The following SIRT5 variants were observed in gnomAD, a reference collection of about 807,000 sequenced individuals.
SIRT5 encodes the protein NAD-dependent protein deacylase sirtuin-5, mitochondrial.
Under a neutral mutation model 40.0 loss-of-function variants are expected in SIRT5, and 26 were observed. The ratio of observed to expected loss-of-function variants is 0.65; its 90% CI spans 0.48 to 0.90. The LOEUF (loss-of-function observed/expected upper bound fraction) is 0.90, where lower values mean the gene tolerates loss of function less well. SIRT5 is among the 40% of genes least tolerant of loss of function. The probability of loss-of-function intolerance (pLI) is 0.00; values close to 1 mark genes in which losing one functional copy is unlikely to be tolerated. For synonymous variants in SIRT5, 146 were observed against 149.1 expected (o/e 0.98, Z 0.15); for missense variants, 401 against 402.4 (o/e 1.00, Z 0.03).
Position 13,614,402 on chromosome 6 carries a change from A to G in SIRT5, c.*2537A>G, listed in dbSNP as rs1454583944. 6.6e-6 allele frequency: 1 copy of G among 152,302 alleles called. No homozygotes were observed. The highest frequency in any genetic ancestry group is 2.4e-5 in the African/African-American group (1 of 41,450). The allele number at this position is 152,302 out of a possible 1,614,324, so 9.4% of individuals were successfully genotyped here. On this transcript the variant is annotated 3_prime_UTR_variant, in exon 10 of 10. Transcript: ENST00000606117. Reference sequence around the variant, plus strand: ...CTGGGGGGCTGCGGCAGTAGAGGGAAGAGCACGGTCGGTACAAATGCATGG... The same window carrying G: ...CTGGGGGGCTGCGGCAGTAGAGGGAGGAGCACGGTCGGTACAAATGCATGG...
chr6:13,610,915 A>G (rs925227809), intron 9 of SIRT5, among the ~76,000 whole-genome samples: 5 of 152,142 alleles, frequency 3.3e-5, no homozygotes, highest in African/African-American at 4.8e-5. Context: ...TGCCTTTTCT[A>G]TTTTTAATTG....
In SIRT5 at chr6:13,584,759, A is replaced by G. The variant is rs561880598; in HGVS notation, c.115+534A>G. On this transcript the variant is annotated intron_variant, in intron 3 of 9. Coordinates refer to ENST00000606117, the MANE Select transcript of SIRT5 (RefSeq NM_012241.5). ...GCTTCTGCCAGAATATTTGCATTTAAGCTTTTTACACATGTTTTGTACTAT... is the reference window on the plus strand; with the variant it reads ...GCTTCTGCCAGAATATTTGCATTTAGGCTTTTTACACATGTTTTGTACTAT... 7.8e-5 allele frequency among the ~76,000 whole-genome samples: 11 copies of G among 140,502 alleles called. No homozygotes were observed. The South Asian group carries it at 2.5e-3, about 33-fold the overall frequency. 92.2% of individuals were successfully genotyped at this position (140,502 alleles called of 152,430 possible).
At chr6:13,586,564 A>C (rs1012450188) in intron 3 of SIRT5, among the ~76,000 whole-genome samples, 3 of 152,042 alleles carry the variant, frequency 2.0e-5, no homozygotes, top group African/African-American at 7.2e-5. Flanking sequence ...GTGTGGTGTT[A>C]TTTCTGAGGC....
chr6:13,595,613 G>T, intron 6 of SIRT5, 49 bp downstream of exon 6: 1 of 1,336,214 alleles, frequency 7.5e-7, no homozygotes. Context: ...TCTCCTTTAG[G>T]TTGAACATAA....
At chr6:13,585,165 G>C (rs998881694) in intron 3 of SIRT5, 1 of 152,048 alleles carries the variant, frequency 6.6e-6, no homozygotes, top group African/African-American at 2.4e-5. Flanking sequence ...AGTTGGGTTG[G>C]TTGCAACCTG....
At chr6:13,574,362 C>T (rs1242869164), upstream of SIRT5, among the ~76,000 whole-genome samples, 1 of 152,000 alleles carries the variant, frequency 6.6e-6, no homozygotes, top group Non-Finnish European at 1.5e-5. Context: ...GCTCGGGCTC[C>T]GGCTTCGAGG....
chr6:13,597,433 TAAA>T (rs60503838), intron 7 of SIRT5, among the ~76,000 whole-genome samples: 6 of 102,372 alleles, frequency 5.9e-5, no homozygotes, highest in African/African-American at 7.0e-5. Flanking sequence ...GTTCATAGAT[TAAA>T]AAAAAAAAAA....
chr6:13,590,527 G>A (rs1314317071), intron 4 of SIRT5, among the ~76,000 whole-genome samples: 1 of 150,330 alleles, frequency 6.7e-6, no homozygotes, highest in Non-Finnish European at 1.5e-5. Context: ...GTGGTTTTGT[G>A]TGTAGGTGTG....
rs1285239526 is a variant in SIRT5 at position 13,614,324 on chromosome 6, G to A, written c.*2459G>A. On this transcript the variant is annotated 3_prime_UTR_variant, in exon 10 of 10. Transcript: ENST00000606117. Reference sequence around the variant, plus strand: ...CAGAGTGGGATGGGGTAGGGGTAAGGTGCTTGAAATTTGCCTGGGTGGGAA... The same window carrying A: ...CAGAGTGGGATGGGGTAGGGGTAAGATGCTTGAAATTTGCCTGGGTGGGAA... 3.3e-5 allele frequency: 5 copies of A among 152,180 alleles called. No individual in the cohort carries two copies. The highest frequency in any genetic ancestry group is 7.3e-5 in the Non-Finnish European group (5 of 68,038). The allele number at this position is 152,180 out of a possible 1,614,324, so 9.4% of individuals were successfully genotyped here.
At chr6:13,595,645 A>T in intron 6 of SIRT5, 81 bp downstream of exon 6, 1 of 1,065,544 alleles carries the variant, frequency 9.4e-7, no homozygotes, top group Non-Finnish European at 1.5e-6. Context: ...TTGAACATTC[A>T]TCAAAGATTC....
Position 13,613,807 on chromosome 6 carries a change from A to T in SIRT5, c.*1942A>T, listed in dbSNP as rs907180116. On this transcript the variant is annotated 3_prime_UTR_variant, in exon 10 of 10. Coordinates refer to ENST00000606117, the MANE Select transcript of SIRT5 (RefSeq NM_012241.5). ...GCACATAAAATACCATCATGCACTT[A>T]TAAGTTTGTTCTTGGGCTGCTCCAA... The T allele has an allele frequency of 1.3e-5, 2 of 152,228 alleles. No homozygotes were observed. The highest frequency in any genetic ancestry group is 2.9e-5 in the Non-Finnish European group (2 of 68,036). 9.4% of individuals were successfully genotyped at this position (152,228 alleles called of 1,614,324 possible).
Position 13,612,014 on chromosome 6 carries a change from TG to T in SIRT5, c.*154del, listed in dbSNP as rs1763991979. The T allele has an allele frequency of 1.6e-6, 1 of 639,390 alleles. No individual in the cohort carries two copies. 39.6% of individuals were successfully genotyped at this position (639,390 alleles called of 1,614,324 possible). ...TGGAATCCAACCTGTTGATAAGTGA[TG>T]GGGGTTTAGAAGTAGCAAAGAGCAC... On this transcript the variant is annotated 3_prime_UTR_variant, in exon 10 of 10. Coordinates refer to ENST00000606117, the MANE Select transcript of SIRT5 (RefSeq NM_012241.5).
At chr6:13,593,044 G>C (rs979611990) in intron 5 of SIRT5, among the ~76,000 whole-genome samples, 3 of 151,676 alleles carry the variant, frequency 2.0e-5, no homozygotes, top group African/African-American at 7.3e-5. Flanking sequence ...CTCCAGAGTA[G>C]CTGGGACTAC....
intron 6 of SIRT5, among the ~76,000 whole-genome samples, chr6:13,596,085 G>T (rs1012510557): frequency 1.3e-5 from 2 of 152,058 alleles, no homozygotes. Context: ...AAAACCACAG[G>T]GTCCTAAATT....
chr6:13,610,280 A>C (rs900422637), intron 9 of SIRT5, among the ~76,000 whole-genome samples: 15 of 152,160 alleles, frequency 9.9e-5, no homozygotes, highest in Non-Finnish European at 1.0e-4. Flanking sequence ...CATGAAAGAA[A>C]TTTTGGTATA....
chr6:13,604,996 A>G (rs1256864984), intron 9 of SIRT5: 5 of 988,584 alleles, frequency 5.1e-6, no homozygotes, highest in African/African-American at 1.7e-5. Flanking sequence ...TCTTGGCATC[A>G]TCAAAGCTGA....
chr6:13,604,897 G>A, intron 9 of SIRT5: 1 of 1,008,058 alleles, frequency 9.9e-7, no homozygotes, highest in Non-Finnish European at 1.2e-6. Flanking sequence ...TTATCAATTT[G>A]GCAAGCTACT....
intron 9 of SIRT5, among the ~76,000 whole-genome samples, 160 bp from the exon 10 acceptor site, chr6:13,611,630 G>A (rs565822019): frequency 3.9e-5 from 6 of 152,162 alleles, no homozygotes; most frequent in Non-Finnish European, 7.4e-5. Flanking sequence ...GTTGTTAGAA[G>A]CTAGTTGAAA....
chr6:13,594,095 C>T (rs892422017), intron 5 of SIRT5, among the ~76,000 whole-genome samples: 3 of 152,302 alleles, frequency 2.0e-5, no homozygotes, highest in Admixed American at 6.5e-5. Flanking sequence ...ACAGCCAAAA[C>T]TTGCTTTCCT....
Sources: gnomAD v4.1 joint callset for allele counts (sites outside exome capture counted in the v4.1 genomes callset) on GRCh38, gnomAD v4.1.1 for gene constraint, MANE v1.5 for transcripts, NCBI Gene and HGNC (gene_info 2026-07-23, HGNC 2026-07-21) for gene names.